CYFIP1: variants seen among roughly 807,000 people sequenced by gnomAD.
The protein encoded by CYFIP1 is cytoplasmic FMR1 interacting protein 1.
In CYFIP1, 58 loss-of-function variants were observed where a neutral mutation model predicts 163.5. That is an observed-to-expected ratio of 0.35 (90% CI 0.29 to 0.44). The LOEUF (loss-of-function observed/expected upper bound fraction) is 0.44. CYFIP1 is among the 20% of genes least tolerant of loss of function. The probability of loss-of-function intolerance (pLI) is 1.00; values close to 1 mark genes in which losing one functional copy is unlikely to be tolerated. For missense variants in CYFIP1, 1,338 were observed against 1,653.8 expected, an observed-to-expected ratio of 0.81 and a Z score of 3.31; for synonymous variants, 663 against 660.7, an observed-to-expected ratio of 1.00 and a Z score of -0.05.
chr15:22,950,014 A>T (rs1186603791), intron 1 of CYFIP1, among the ~76,000 whole-genome samples: 3 of 152,202 alleles, frequency 2.0e-5, no homozygotes, highest in Non-Finnish European at 2.9e-5. Flanking sequence ...TCCAAAGCAA[A>T]ATAGATAACA....
intron 13 of CYFIP1, among the ~76,000 whole-genome samples, chr15:22,923,954 A>AAAAAAAAAAAAC (rs2061275090): frequency 6.6e-6 from 1 of 151,274 alleles, no homozygotes; most frequent in Non-Finnish European, 1.5e-5. Context: ...AAAAAAAAAA[A>AAAAAAAAAAAAC]AAAAAAAAAA....
rs150660003 is a variant in CYFIP1 at position 22,937,293 on chromosome 15, T to C, written c.796-85A>G. 1.4e-3 allele frequency: 1,093 copies of C among 801,004 alleles called. 5 individuals carry two copies. The highest frequency in any genetic ancestry group is 0.013 in the African/African-American group (773 of 58,036). 49.6% of individuals were successfully genotyped at this position (801,004 alleles called of 1,614,324 possible). A position where few individuals can be genotyped will look rare whatever the true frequency, so the allele number is the denominator to read the frequency against. ...TAAGGACTTACACTGTTACAGCTGA[T>C]GACTTTGAAGGCACAATTTGAAATA... On this transcript the variant is annotated intron_variant, in intron 8 of 30. Transcript: ENST00000617928.
intron 23 of CYFIP1, among the ~76,000 whole-genome samples, chr15:22,889,415 C>G (rs572951199): frequency 1.1e-4 from 17 of 152,320 alleles, no homozygotes; most frequent in African/African-American, 3.8e-4. Context: ...ATGGAAGCAA[C>G]AGTGCCTCCC....
Position 22,917,319 on chromosome 15 carries a change from A to G in CYFIP1, c.1674+469T>C, listed in dbSNP as rs2061021003. The G allele has an allele frequency of 1.5e-6, 2 of 1,308,034 alleles. No homozygotes were observed. The highest frequency in any genetic ancestry group is 3.1e-5 in the East Asian group (1 of 32,490). 81.0% of individuals were successfully genotyped at this position (1,308,034 alleles called of 1,614,324 possible). Reference sequence around the variant, plus strand: ...AGCGGTGTGGATTAAACCGGGTGTGAAAGTCGTGAGAAGCACCTCGGGGAG... The same window carrying G: ...AGCGGTGTGGATTAAACCGGGTGTGGAAGTCGTGAGAAGCACCTCGGGGAG... On this transcript the variant is annotated intron_variant, in intron 15 of 30. Transcript: ENST00000617928. This position sits in a 1 kb window ranked among gnomAD's most constrained non-coding sequence, Gnocchi z 4.2.
rs949647443 is a variant in CYFIP1 at position 22,933,837 on chromosome 15, G to A, written c.957C>T (p.Ile319=). Residue 319 remains isoleucine (I), a synonymous_variant, in exon 10 of 31, where the codon ATC becomes ATT. Transcript: ENST00000617928. ...TTTCCTCGTAGTGGGCGCTGGTCTT[G>A]ATATATCTTGCCAGTTCTATTTGCA... The part of the protein sequence containing the change: ...GDMQIELARY[I]KTSAHYEENK... The A allele has an allele frequency of 6.2e-7, 1 of 1,613,474 alleles. No homozygotes were observed. Among genetic ancestry groups the A allele is most frequent in the African/African-American group, 1.3e-5 (1 of 74,982 alleles).
At chr15:22,895,743 G>A (rs999444211) in intron 22 of CYFIP1, among the ~76,000 whole-genome samples, 1 of 152,182 alleles carries the variant, frequency 6.6e-6, no homozygotes, top group African/African-American at 2.4e-5. Context: ...AAGGGCTGGA[G>A]GCTGAGCTCA....
rs1019817369 is a variant in CYFIP1 at position 22,945,019 on chromosome 15, C to A, written c.208-80G>T. 4 of 1,268,602 alleles carry A rather than the reference C, an allele frequency of 3.2e-6. No homozygotes were observed. The Admixed American group carries it at 6.7e-5, about 21-fold the overall frequency. 78.6% of individuals were successfully genotyped at this position (1,268,602 alleles called of 1,614,324 possible). The stretch of plus-strand genomic sequence containing the variant: ...CAGATGCCAGTTGCTAAAATCCAGA[C>A]AAAGCGCCACAAACTATCCTAAGCA... On this transcript the variant is annotated intron_variant, in intron 3 of 30. Coordinates refer to ENST00000617928, the MANE Select transcript of CYFIP1 (RefSeq NM_014608.6).
chr15:22,882,861 C>T lies in CYFIP1; in HGVS notation c.2820+7G>A, dbSNP rs1566924584. On this transcript the variant is annotated splice_region_variant and intron_variant, in intron 24 of 30. Coordinates refer to ENST00000617928, the MANE Select transcript of CYFIP1 (RefSeq NM_014608.6). ...GTGTGAAAGAAGCATGTCCAGGGAA[C>T]ACTCACCAGGCTCTTGACGACCTTC... 6.2e-7 allele frequency: 1 copy of T among 1,611,758 alleles called. No homozygotes were observed. Among genetic ancestry groups the T allele is most frequent in the South Asian group, 1.1e-5 (1 of 90,950 alleles).
intron 1 of CYFIP1, among the ~76,000 whole-genome samples, chr15:22,962,084 T>G (rs2062700440): frequency 6.6e-6 from 1 of 152,170 alleles, no homozygotes. Flanking sequence ...AGAAACAGTG[T>G]CAAGGCAGCA....
chr15:22,976,577 G>A (rs571107587), intron 1 of CYFIP1, among the ~76,000 whole-genome samples: 1 of 152,026 alleles, frequency 6.6e-6, no homozygotes, highest in Non-Finnish European at 1.5e-5. Context: ...TCCAAAAATA[G>A]GTGAGTGCAT....
chr15:22,870,710 G>A (rs781059630), intron 30 of CYFIP1, among the ~76,000 whole-genome samples: 9 of 152,088 alleles, frequency 5.9e-5, no homozygotes, highest in South Asian at 2.1e-4. Context: ...TCATTCATGC[G>A]CACAATTGAT....
chr15:22,912,227 C>G lies in CYFIP1; in HGVS notation c.2034G>C (p.Ala678=), dbSNP rs369835461. The change falls in exon 18 of 31, where the codon GCG becomes GCC. Residue 678 remains alanine, a synonymous_variant. Transcript: ENST00000617928. ...GGAACTGCTTGTTGAACCTGGTGAG[C>G]GCGTAGTGGGCGCTGTCATTGTACA... ...LDLYNDSAHY[A]LTRFNKQFLY... 1.4e-5 allele frequency: 23 copies of G among 1,614,042 alleles called. No homozygotes were observed. The South Asian group carries it at 2.4e-4, about 17-fold the overall frequency.
At position 22,869,920 on chromosome 15, in the gene CYFIP1, C is replaced by T. The variant is rs567135954; in HGVS notation, c.*108G>A. The T allele has an allele frequency of 3.0e-6, 3 of 1,008,218 alleles. No homozygotes were observed. Among genetic ancestry groups the T allele is most frequent in the Admixed American group, 4.1e-5 (1 of 24,252 alleles). The allele number at this position is 1,008,218 out of a possible 1,614,324, so 62.5% of individuals were successfully genotyped here. ...TTAAGTTTTTAGATCGAAAAGCACC[C>T]CCTTTAACAGGTACAGAGATACTGA... On this transcript the variant is annotated 3_prime_UTR_variant, in exon 31 of 31. Coordinates refer to ENST00000617928, the MANE Select transcript of CYFIP1 (RefSeq NM_014608.6).
At position 22,903,837 on chromosome 15, in the gene CYFIP1, G is replaced by A. The variant is rs1474577124; in HGVS notation, c.2457C>T (p.Asp819=). ...HKLLSRYLTL[D]GFDAMFREAN... ...CCTCCCGGAACATGGCGTCGAAGCCGTCCAGCGTCAGGTACCGGCTCAGCA... is the reference window on the plus strand; with the variant it reads ...CCTCCCGGAACATGGCGTCGAAGCCATCCAGCGTCAGGTACCGGCTCAGCA... The change falls in exon 22 of 31, where the codon GAC becomes GAT. Residue 819 remains aspartate (D), a synonymous_variant. Coordinates refer to ENST00000617928, the MANE Select transcript of CYFIP1 (RefSeq NM_014608.6). 8.7e-6 allele frequency: 14 copies of A among 1,614,184 alleles called. No homozygotes were observed. Among genetic ancestry groups the A allele is most frequent in the East Asian group, 2.2e-5 (1 of 44,878 alleles).
At chr15:22,926,563 T>C (rs2061364047) in intron 12 of CYFIP1, among the ~76,000 whole-genome samples, 1 of 152,198 alleles carries the variant, frequency 6.6e-6, no homozygotes, top group Admixed American at 6.5e-5. Context: ...AATGACCATG[T>C]ACTCTTCCAA....
intron 23 of CYFIP1, among the ~76,000 whole-genome samples, chr15:22,888,838 C>T (rs1032784208): frequency 4.0e-5 from 6 of 151,894 alleles, no homozygotes; most frequent in Non-Finnish European, 7.4e-5. Flanking sequence ...GTCAGGAGTT[C>T]GAGACCAGCC....
At chr15:22,881,973 C>G (rs761774017) in intron 24 of CYFIP1, 37 bp from the exon 25 acceptor site, 3 of 1,582,724 alleles carry the variant, frequency 1.9e-6, no homozygotes, top group Non-Finnish European at 2.6e-6. Context: ...TCAGCCACCC[C>G]ACTCCGCTCT....
At chr15:22,883,727 G>T (rs1424393609) in intron 23 of CYFIP1, among the ~76,000 whole-genome samples, 2 of 147,562 alleles carry the variant, frequency 1.4e-5, no homozygotes, top group Non-Finnish European at 3.0e-5. Flanking sequence ...TGAGGCAGGA[G>T]AATGGCATGA....
At chr15:22,971,182 A>G (rs1388887134) in intron 1 of CYFIP1, among the ~76,000 whole-genome samples, 1 of 152,218 alleles carries the variant, frequency 6.6e-6, no homozygotes, top group Non-Finnish European at 1.5e-5. Context: ...AACAGGAGAA[A>G]TGCTTCATGA....
Sources: gnomAD v4.1 joint callset for allele counts (sites outside exome capture counted in the v4.1 genomes callset) on GRCh38, gnomAD v4.1.1 for gene constraint, Gnocchi (gnomAD v3.1) non-coding constraint, MANE v1.5 for transcripts, NCBI Gene and HGNC (gene_info 2026-07-23, HGNC 2026-07-21) for gene names.